Variants in RSRC1 observed in about 807,000 individuals in gnomAD.
RSRC1 encodes serine/Arginine-related protein 53.
In RSRC1, 39 loss-of-function variants were observed where a neutral mutation model predicts 49.1. The observed-to-expected ratio is 0.79, with a 90% CI of 0.61 to 1.04. RSRC1 has a LOEUF of 1.04. Ranked by LOEUF, RSRC1 falls within the 50% of genes least tolerant of loss-of-function variation. The pLI is 0.00. For synonymous variants in RSRC1, 143 were observed against 130.8 expected (o/e 1.09, Z -0.63); for missense variants, 388 against 402.4 (o/e 0.96, Z 0.31).
At chr3:158,328,688 G>T (rs1276587789) in intron 5 of RSRC1, among the ~76,000 whole-genome samples, 1 of 152,042 alleles carries the variant, frequency 6.6e-6, no homozygotes, top group African/African-American at 2.4e-5. Context: ...TTTCAACTTT[G>T]GTGAATCTGA....
intron 4 of RSRC1, among the ~76,000 whole-genome samples, chr3:158,237,860 G>A (rs1420868837): frequency 6.6e-6 from 1 of 152,190 alleles, no homozygotes; most frequent in East Asian, 1.9e-4. Context: ...GGAGTCGTGA[G>A]AGAGGGCATT....
chr3:158,272,351 G>A (rs1027941619), intron 4 of RSRC1, among the ~76,000 whole-genome samples: 12 of 152,080 alleles, frequency 7.9e-5, no homozygotes, highest in African/African-American at 2.7e-4. Context: ...AAATGGAACC[G>A]GCAGGCTTGA....
chr3:158,424,313 CT>C (rs1177702407), intron 6 of RSRC1, among the ~76,000 whole-genome samples: 1 of 151,706 alleles, frequency 6.6e-6, no homozygotes, highest in Non-Finnish European at 1.5e-5. Flanking sequence ...TGTCAAAGGC[CT>C]TTTCTGCATC....
intron 3 of RSRC1, among the ~76,000 whole-genome samples, chr3:158,174,369 A>G (rs1719070791): frequency 6.6e-6 from 1 of 152,002 alleles, no homozygotes; most frequent in Non-Finnish European, 1.5e-5. Flanking sequence ...TTTTTATTCA[A>G]GTAACCAATA....
intron 5 of RSRC1, among the ~76,000 whole-genome samples, chr3:158,333,765 G>T (rs1164104697): frequency 6.6e-6 from 1 of 152,186 alleles, no homozygotes; most frequent in Non-Finnish European, 1.5e-5. Context: ...AAAAATCTAT[G>T]TGAAGTCTCT....
chr3:158,359,951 G>C (rs906240464), intron 6 of RSRC1, among the ~76,000 whole-genome samples: 6 of 152,116 alleles, frequency 3.9e-5, no homozygotes, highest in African/African-American at 1.4e-4. Context: ...CCTAATGAGT[G>C]TTCAGCTCTT....
At chr3:158,424,156 C>A (rs1735260938) in intron 6 of RSRC1, among the ~76,000 whole-genome samples, 1 of 152,068 alleles carries the variant, frequency 6.6e-6, no homozygotes, top group South Asian at 2.1e-4. Flanking sequence ...TGTCTTGTGC[C>A]AGTTTTCAAA....
At chr3:158,283,240 G>C (rs1019505473) in intron 4 of RSRC1, among the ~76,000 whole-genome samples, 5 of 152,098 alleles carry the variant, frequency 3.3e-5, no homozygotes, top group Admixed American at 1.3e-4. Context: ...AATGTGAGCT[G>C]AATGTAGACC....
chr3:158,354,659 G>GA (rs916721282), intron 5 of RSRC1, among the ~76,000 whole-genome samples, 198 bp from the exon 6 acceptor site: 8 of 149,874 alleles, frequency 5.3e-5, no homozygotes, highest in East Asian at 3.9e-4. Context: ...CTTTTTCTAG[G>GA]AAAAAAAAAT....
Position 158,118,460 on chromosome 3 carries a change from T to TGC in RSRC1, c.-2-3642_-2-3641insCG, listed in dbSNP as rs1489357796. Among the ~76,000 whole-genome samples the TGC allele has an allele frequency of 3.7e-3, 384 of 105,000 alleles. 5 individuals are homozygous for TGC. The highest frequency in any genetic ancestry group is 7.9e-3 in the East Asian group (29 of 3,676). The allele number at this position is 105,000 out of a possible 152,430, so 68.9% of individuals were successfully genotyped here. On this transcript the variant is annotated intron_variant, in intron 1 of 9. Transcript: ENST00000611884. ...GTGTGTGTGTGTGTGTGTGTGTGTG[T>TGC]GTGCGCGTGCGCGTGGTTTTTTTAA... is the stretch of plus-strand genomic sequence containing the variant.
chr3:158,111,102 C>T (rs191876966), intron 1 of RSRC1, among the ~76,000 whole-genome samples: 82 of 152,310 alleles, frequency 5.4e-4, no homozygotes, highest in Non-Finnish European at 9.3e-4. Context: ...GAGTTGTCAT[C>T]TTTGAACTTA....
chr3:158,295,460 A>G (rs827129), intron 4 of RSRC1, among the ~76,000 whole-genome samples: 72,387 of 152,016 alleles, frequency 0.48, 17,795 homozygotes, highest in East Asian at 0.64. Flanking sequence ...TGTTGTGTTA[A>G]TGGAAAATGA....
chr3:158,276,393 A>T, intron 4 of RSRC1: 1 of 777,390 alleles, frequency 1.3e-6, no homozygotes, highest in South Asian at 1.4e-5. Context: ...CTTTCTCCAT[A>T]GCTCCTGGAT....
At chr3:158,171,094 A>G (rs1578159528) in intron 3 of RSRC1, among the ~76,000 whole-genome samples, 1 of 152,188 alleles carries the variant, frequency 6.6e-6, no homozygotes. Flanking sequence ...CTGGCACAAG[A>G]CCTGGACTCA....
intron 4 of RSRC1, among the ~76,000 whole-genome samples, chr3:158,265,643 A>G (rs531764973): frequency 6.6e-6 from 1 of 151,542 alleles, no homozygotes; most frequent in East Asian, 1.9e-4. Flanking sequence ...AAAAAAAAAA[A>G]TTTTACTCCA....
rs867000398 is a variant in RSRC1, at chr3:158,487,951, A to G, written c.652+26948A>G. On this transcript the variant is annotated intron_variant, in intron 7 of 9. Transcript: ENST00000611884. ...GGAGACAAGAGACTCCATCTCAAGAAAAAAAAAAAAAAAAAAAAAAAAACT... is the reference window on the plus strand; with the variant it reads ...GGAGACAAGAGACTCCATCTCAAGAGAAAAAAAAAAAAAAAAAAAAAAACT... Among the ~76,000 whole-genome samples, 122 of 136,110 alleles carry G rather than the reference A, an allele frequency of 9.0e-4. 3 individuals are homozygous for G. The highest frequency in any genetic ancestry group is 3.6e-3 in the Middle Eastern group (1 of 280). 89.3% of individuals were successfully genotyped at this position (136,110 alleles called of 152,430 possible).
rs78876973 is a variant in RSRC1, at chr3:158,219,897, A to G, written c.494+16652A>G. On this transcript the variant is annotated intron_variant, in intron 4 of 9. Coordinates refer to ENST00000611884, the MANE Select transcript of RSRC1 (RefSeq NM_001271838.2). ...TTTGGATGAATTGTTTGAATAGTCAATGGAAGAGAATGAAAATCAATGGGG... is the reference window on the plus strand; with the variant it reads ...TTTGGATGAATTGTTTGAATAGTCAGTGGAAGAGAATGAAAATCAATGGGG... Among the ~76,000 whole-genome samples, 539 of 151,708 alleles carry G rather than the reference A, an allele frequency of 3.6e-3. 4 individuals carry two copies. Among genetic ancestry groups the G allele is most frequent in the African/African-American group, 0.012 (502 of 41,460 alleles).
intron 1 of RSRC1, among the ~76,000 whole-genome samples, chr3:158,111,392 C>G (rs1714394929): frequency 6.6e-6 from 1 of 152,240 alleles, no homozygotes; most frequent in Non-Finnish European, 1.5e-5. Context: ...CTCAACCAGT[C>G]TCACAAAGAG....
At chr3:158,258,208 CTTTTTTTTTTT>C (rs71144451) in intron 4 of RSRC1, among the ~76,000 whole-genome samples, 3,101 of 65,992 alleles carry the variant, frequency 0.047, 135 homozygotes, top group African/African-American at 0.17. Context: ...TCCTTTTAAC[CTTTTTTTTTTT>C]TTTTTTTTTT....
Sources: gnomAD v4.1 joint callset for allele counts (sites outside exome capture counted in the v4.1 genomes callset) on GRCh38, gnomAD v4.1.1 for gene constraint, MANE v1.5 for transcripts, NCBI Gene and HGNC (gene_info 2026-07-23, HGNC 2026-07-21) for gene names.